The following ANKRD35 variants were observed in gnomAD, a reference collection of about 807,000 sequenced individuals.
ANKRD35 encodes the protein ankyrin repeat domain 35.
Under a neutral mutation model 109.9 loss-of-function variants are expected in ANKRD35, and 102 were observed. The ratio of observed to expected loss-of-function variants is 0.93; its 90% CI spans 0.79 to 1.09. The LOEUF (loss-of-function observed/expected upper bound fraction) is 1.09, where lower values mean the gene tolerates loss of function less well. Among genes scored for constraint, ANKRD35 ranks in the 50% least tolerant of loss-of-function variants. The probability of loss-of-function intolerance (pLI) is 0.00; values close to 1 mark genes in which losing one functional copy is unlikely to be tolerated. For missense variants in ANKRD35, 1,240 were observed against 1,230.1 expected, an observed-to-expected ratio of 1.01 and a Z score of -0.12; for synonymous variants, 515 against 512.4, an observed-to-expected ratio of 1.01 and a Z score of -0.07.
intron 1 of ANKRD35, among the ~76,000 whole-genome samples, chr1:145,884,154 T>A (rs720899): frequency 2.8e-4 from 42 of 152,038 alleles, no homozygotes; most frequent in African/African-American, 8.0e-4. Flanking sequence ...TCCACAAACC[T>A]GTAAGGGAAA....
chr1:145,869,402 G>A (rs1459823615), intron 10 of ANKRD35, among the ~76,000 whole-genome samples: 2 of 151,832 alleles, frequency 1.3e-5, no homozygotes, highest in South Asian at 2.1e-4. Flanking sequence ...GGCTGGTCTC[G>A]AACTCCTGAC....
In ANKRD35 at chr1:145,867,419, G is replaced by C. The variant is rs1553737908; in HGVS notation, c.2944-27C>G. ...TGTAGATGTCAGGAAAGGAAGAAAA[G>C]GAGATGAAGAACAGAAAATGGAGAG... On this transcript the variant is annotated intron_variant, in intron 12 of 13. Transcript: ENST00000355594. 1.9e-6 allele frequency: 3 copies of C among 1,605,110 alleles called. No homozygotes were observed. The East Asian group carries it at 6.7e-5, about 36-fold the overall frequency.
At chr1:145,871,069 T>G (rs1243002773) in intron 10 of ANKRD35, among the ~76,000 whole-genome samples, 1 of 151,812 alleles carries the variant, frequency 6.6e-6, no homozygotes, top group Non-Finnish European at 1.5e-5. Flanking sequence ...TAGACTCACA[T>G]TTAGAGCAAG....
rs41296196 is a variant in ANKRD35 at position 145,874,163 on chromosome 1, C to T, written c.775G>A (p.Ala259Thr). 61,790 of 1,613,824 alleles carry T rather than the reference C, an allele frequency of 0.038. 1,415 individuals are homozygous for T. Among genetic ancestry groups the T allele is most frequent in the Non-Finnish European group, 0.046 (54,340 of 1,179,740 alleles). Residue 259 changes from alanine to threonine, a missense_variant, in exon 9 of 14, where the codon GCA (alanine) becomes ACA (threonine). Coordinates refer to ENST00000355594, the MANE Select transcript of ANKRD35 (RefSeq NM_144698.5). ...GQRLVQHPDL[A>T]SQASPSEPQA... Reference sequence around the variant, plus strand: ...GGCACTTAGGGTCTTACCTGGGATGCGAGATCTGGGTGCTGGACTAGCCTC... The same window carrying T: ...GGCACTTAGGGTCTTACCTGGGATGTGAGATCTGGGTGCTGGACTAGCCTC...
In ANKRD35 at chr1:145,874,827, C is replaced by T. The variant is rs1361434088; in HGVS notation, c.740G>A (p.Arg247Gln). Residue 247 changes from arginine to glutamine, a missense_variant, in exon 8 of 14, where the codon CGG becomes CAG. Arg to Gln is a conservative substitution (Grantham distance 43, BLOSUM62 1). Coordinates refer to ENST00000355594, the MANE Select transcript of ANKRD35 (RefSeq NM_144698.5). The part of the protein sequence containing the change: ...HLQQALSRRR[R>Q]GGQRLVQHPD... The stretch of plus-strand genomic sequence containing the variant: ...AGTTACACAAGGGCCTTTACCGCCC[C>T]GCCGCCGCCGGCTCAGGGCCTGCTG... The T allele has an allele frequency of 8.2e-6, 13 of 1,584,572 alleles. No homozygotes were observed. The highest frequency in any genetic ancestry group is 1.7e-4 in the Middle Eastern group (1 of 5,950).
rs369584329 is a variant in ANKRD35 at position 145,873,177 on chromosome 1, G to A, written c.1592C>T (p.Ala531Val). 2.5e-6 allele frequency: 4 copies of A among 1,613,968 alleles called. No individual in the cohort carries two copies. The African/African-American group carries it at 4.0e-5, about 16-fold the overall frequency. The change falls in exon 10 of 14, where the codon GCA (alanine) becomes GTA (valine). Residue 531 changes from alanine (A) to valine (V), a missense_variant. By Grantham distance (64) the Ala-to-Val change is moderately conservative. Coordinates refer to ENST00000355594, the MANE Select transcript of ANKRD35 (RefSeq NM_144698.5). ...GGCTTCCATCTTCTCCCAGGCAGCTGCTGCTGCCTCAGCACGGGGAGTCCC... is the reference window on the plus strand; with the variant it reads ...GGCTTCCATCTTCTCCCAGGCAGCTACTGCTGCCTCAGCACGGGGAGTCCC... ...ALGTPRAEAA[A>V]AAWEKMEARL...
chr1:145,873,575 T>C lies in ANKRD35; in HGVS notation c.1194A>G (p.Val398=). Reference sequence around the variant, plus strand: ...AGTCCTCAGCCTTCTTTGGAGCTAATACTGGATTTACTGTGGCTGCTGCCT... The same window carrying C: ...AGTCCTCAGCCTTCTTTGGAGCTAACACTGGATTTACTGTGGCTGCTGCCT... ...QQQAAATVNP[V]LAPKKAEDSA... Residue 398 remains valine, a synonymous_variant, in exon 10 of 14, where the codon GTA becomes GTG. Coordinates refer to ENST00000355594, the MANE Select transcript of ANKRD35 (RefSeq NM_144698.5). The C allele has an allele frequency of 6.2e-7, 1 of 1,614,096 alleles. No homozygotes were observed. The highest frequency in any genetic ancestry group is 8.5e-7 in the Non-Finnish European group (1 of 1,180,022).
In ANKRD35 at chr1:145,873,325, G is replaced by T. The variant is rs1553739312; in HGVS notation, c.1444C>A (p.Pro482Thr). ...GVEPGGTVAE[P>T]VGPAAMNQLL... ...TGGTTCATGGCTGCTGGGCCCACTG[G>T]TTCAGCCACTGTGCCTCCTGGTTCA... The change falls in exon 10 of 14, where the codon CCA (proline) becomes ACA (threonine). Residue 482 changes from proline (P) to threonine (T), a missense_variant. Coordinates refer to ENST00000355594, the MANE Select transcript of ANKRD35 (RefSeq NM_144698.5). The T allele has an allele frequency of 6.2e-7, 1 of 1,614,164 alleles. No individual in the cohort carries two copies. The highest frequency in any genetic ancestry group is 1.1e-5 in the South Asian group (1 of 91,080).
chr1:145,878,671 G>T (rs977699985), intron 2 of ANKRD35, among the ~76,000 whole-genome samples, 192 bp from the exon 3 acceptor site: 3 of 152,196 alleles, frequency 2.0e-5, no homozygotes, highest in African/African-American at 7.2e-5. Flanking sequence ...GATGCTAAAA[G>T]CAAGGAAGAA....
intron 1 of ANKRD35, among the ~76,000 whole-genome samples, chr1:145,881,949 CT>C (rs782253954): frequency 0.019 from 1,988 of 104,640 alleles, 31 homozygotes; most frequent in African/African-American, 0.069. Flanking sequence ...CTTTCCCCTT[CT>C]TTTTTTTTTT....
At chr1:145,874,715 C>A (rs1431320512) in intron 8 of ANKRD35, 107 bp downstream of exon 8, 5 of 1,321,036 alleles carry the variant, frequency 3.8e-6, no homozygotes, top group Non-Finnish European at 5.0e-6. Flanking sequence ...AACTCTCAAC[C>A]CAGGTGACAA....
chr1:145,878,238 G>A (rs1189146140), intron 3 of ANKRD35, among the ~76,000 whole-genome samples, 153 bp downstream of exon 3: 11 of 152,160 alleles, frequency 7.2e-5, no homozygotes, highest in Admixed American at 7.2e-4. Context: ...AGCTTACGGG[G>A]AGGGGAACTC....
chr1:145,883,964 T>G (rs1654389210), intron 1 of ANKRD35, among the ~76,000 whole-genome samples: 1 of 152,232 alleles, frequency 6.6e-6, no homozygotes, highest in South Asian at 2.1e-4. Context: ...AAGTTTAGAA[T>G]GGGTGGTCAT....
rs59433424 is a variant in ANKRD35 at position 145,871,153 on chromosome 1, CTTTT to C, written c.2787+825_2787+828del. Among the ~76,000 whole-genome samples the C allele has an allele frequency of 3.0e-3, 231 of 78,030 alleles. 2 individuals are homozygous for C. Among genetic ancestry groups the C allele is most frequent in the African/African-American group, 9.3e-3 (199 of 21,402 alleles). The allele number at this position is 78,030 out of a possible 152,430, so 51.2% of individuals were successfully genotyped here. A position where few individuals can be genotyped will look rare whatever the true frequency, so the allele number is the denominator to read the frequency against. ...TCTTTCTTTCTTTCTTTTCTTTTTT[CTTTT>C]TTTTTTTTTTTTTTTTTTTTTTTTG... is the stretch of plus-strand genomic sequence containing the variant. On this transcript the variant is annotated intron_variant, in intron 10 of 13. Transcript: ENST00000355594.
intron 10 of ANKRD35, among the ~76,000 whole-genome samples, chr1:145,871,044 T>C (rs1276140299): frequency 6.6e-6 from 1 of 151,962 alleles, no homozygotes; most frequent in African/African-American, 2.4e-5. Flanking sequence ...ATAAAACATG[T>C]CTCATAGAAA....
Position 145,872,383 on chromosome 1 carries a change from C to A in ANKRD35, c.2386G>T (p.Val796Phe). Residue 796 changes from valine (V) to phenylalanine (F), a missense_variant, in exon 10 of 14, where the codon GTT (valine) becomes TTT (phenylalanine). Physicochemically the swap from Val to Phe is conservative, Grantham distance 50 (BLOSUM62 -1). Transcript: ENST00000355594. Reference sequence around the variant, plus strand: ...CTCTTCCCGCTCATCGTGGCCTGAACTGCCCGCAGCTCTTCCTCCAGCTTC... The same window carrying A: ...CTCTTCCCGCTCATCGTGGCCTGAAATGCCCGCAGCTCTTCCTCCAGCTTC... ...LGKLEEELRA[V>F]QATMSGKSQE... is the part of the protein sequence containing the mutation. 1 of 1,613,206 alleles carries A rather than the reference C, an allele frequency of 6.2e-7. No homozygotes were observed. The highest frequency in any genetic ancestry group is 8.5e-7 in the Non-Finnish European group (1 of 1,179,692).
chr1:145,868,923 T>C (rs587698139), intron 10 of ANKRD35, among the ~76,000 whole-genome samples: 1 of 152,358 alleles, frequency 6.6e-6, no homozygotes, highest in East Asian at 1.9e-4. Flanking sequence ...GCTGCACTTT[T>C]AAGTTTTCAA....
rs200243402 is a variant in ANKRD35 at position 145,872,288 on chromosome 1, C to T, written c.2481G>A (p.Arg827=). The T allele has an allele frequency of 2.5e-6, 4 of 1,612,336 alleles. No homozygotes were observed. The Admixed American group carries it at 5.0e-5, about 20-fold the overall frequency. The change falls in exon 10 of 14, where the codon CGG becomes CGA. Residue 827 remains arginine, a synonymous_variant. Coordinates refer to ENST00000355594, the MANE Select transcript of ANKRD35 (RefSeq NM_144698.5). ...CGTGTTGCCGTAGGCTGGCTGCCTC[C>T]CGGGCCCTTAGCTCAGCCACTTCCT... ...ATEEVAELRA[R]EAASLRQHEK...
Position 145,884,281 on chromosome 1 carries a change from A to G in ANKRD35, c.39+1439T>C, listed in dbSNP as rs117723896. Among the ~76,000 whole-genome samples, 138 of 152,282 alleles carry G rather than the reference A, an allele frequency of 9.1e-4. 2 individuals carry two copies. The East Asian group carries it at 0.022, about 24-fold the overall frequency. ...GTTTCTGGTGCATATAATAGTAAATACCTTTTGATTGGTTGATCAATGTGT... is the reference window on the plus strand; with the variant it reads ...GTTTCTGGTGCATATAATAGTAAATGCCTTTTGATTGGTTGATCAATGTGT... On this transcript the variant is annotated intron_variant, in intron 1 of 13. Coordinates refer to ENST00000355594, the MANE Select transcript of ANKRD35 (RefSeq NM_144698.5).
Sources: allele counts gnomAD v4.1 joint callset (sites outside exome capture counted in the v4.1 genomes callset), GRCh38; gene constraint gnomAD v4.1.1; transcripts MANE v1.5; gene names NCBI Gene and HGNC (gene_info 2026-07-23, HGNC 2026-07-21).